Variants in USP25 observed in about 807,000 individuals in gnomAD.
USP25 encodes the protein ubiquitin carboxyl-terminal hydrolase 25.
Under a neutral mutation model 158.5 loss-of-function variants are expected in USP25, and 85 were observed. The observed-to-expected ratio is 0.54, with a 90% confidence interval of 0.45 to 0.64. The LOEUF (loss-of-function observed/expected upper bound fraction) is 0.64, where lower values mean the gene tolerates loss of function less well. Among genes scored for constraint, USP25 ranks in the 30% least tolerant of loss-of-function variants. USP25 has a pLI of 0.00. For synonymous variants in USP25, 464 were observed against 460.4 expected (o/e 1.01, Z -0.10); for missense variants, 1,242 against 1,327.3 (o/e 0.94, Z 1.00).
At chr21:15,786,814 G>A (rs1448170282) in intron 4 of USP25, among the ~76,000 whole-genome samples, 1 of 151,998 alleles carries the variant, frequency 6.6e-6, no homozygotes, top group East Asian at 1.9e-4. Flanking sequence ...AATTGGAAAG[G>A]AGAAAGTAAA....
chr21:15,824,573 TC>T (rs1281644372), intron 11 of USP25, among the ~76,000 whole-genome samples: 5 of 152,094 alleles, frequency 3.3e-5, no homozygotes, highest in African/African-American at 4.8e-5. Context: ...TGTCTTTCTT[TC>T]TTTTGTTTTT....
At chr21:15,754,217 T>C (rs960653947) in intron 1 of USP25, among the ~76,000 whole-genome samples, 19 of 152,340 alleles carry the variant, frequency 1.2e-4, no homozygotes, top group African/African-American at 4.6e-4. Flanking sequence ...GGAGGTGGTG[T>C]GTCCTGAGCC....
At chr21:15,794,276 AG>A (rs563566820) in intron 5 of USP25, among the ~76,000 whole-genome samples, 27 of 151,760 alleles carry the variant, frequency 1.8e-4, no homozygotes, top group African/African-American at 6.3e-4. Flanking sequence ...TTTGGTAGAA[AG>A]GGGGAACAGA....
chr21:15,856,535 A>C (rs949134021), intron 20 of USP25, among the ~76,000 whole-genome samples: 42 of 151,316 alleles, frequency 2.8e-4, no homozygotes, highest in African/African-American at 1.0e-3. Flanking sequence ...GCAGTGGCGC[A>C]GTCTCGGCTC....
chr21:15,824,268 T>C (rs2037377883), intron 11 of USP25, 102 bp downstream of exon 11: 1 of 1,385,918 alleles, frequency 7.2e-7, no homozygotes. Flanking sequence ...AATTAATTTC[T>C]ACTTTTGCAT....
intron 3 of USP25, among the ~76,000 whole-genome samples, chr21:15,775,413 A>C (rs1395730011): frequency 6.6e-6 from 1 of 152,046 alleles, no homozygotes; most frequent in Non-Finnish European, 1.5e-5. Context: ...TTCTGAAATG[A>C]CTCCCACATC....
rs186039729 is a variant in USP25 at position 15,800,134 on chromosome 21, T to C, written c.642+291T>C. ...ACTTTATAGGCTATAGTTTACAATT[T>C]AAGGTCTTTCCTCAGTTGTCTCCTA... On this transcript the variant is annotated intron_variant, in intron 6 of 25. Coordinates refer to ENST00000400183, the MANE Select transcript of USP25 (RefSeq NM_001283041.3). Among the ~76,000 whole-genome samples the C allele has an allele frequency of 8.4e-4, 127 of 151,498 alleles. No homozygotes were observed. The Middle Eastern group carries it at 0.01, about 12-fold the overall frequency.
intron 9 of USP25, 34 bp from the exon 10 acceptor site, chr21:15,818,664 T>C: frequency 1.9e-6 from 3 of 1,578,168 alleles, no homozygotes; most frequent in Non-Finnish European, 2.6e-6. Flanking sequence ...CAGAAGGCCA[T>C]ATTGAGTATT....
chr21:15,867,669 C>G (rs923676844), intron 22 of USP25, among the ~76,000 whole-genome samples: 2 of 152,020 alleles, frequency 1.3e-5, no homozygotes. Flanking sequence ...GACAGCTTTG[C>G]AGCATGCAAA....
intron 19 of USP25, 26 bp downstream of exon 19, chr21:15,847,802 T>C (rs1283148068): frequency 2.8e-6 from 4 of 1,448,926 alleles, no homozygotes; most frequent in Non-Finnish European, 2.8e-6. Flanking sequence ...CTCTGCACCA[T>C]TGCTACTTAA....
chr21:15,831,573 A>G lies in USP25; in HGVS notation c.1937A>G (p.Asn646Ser), dbSNP rs771683915. 2 of 1,614,068 alleles carry G rather than the reference A, an allele frequency of 1.2e-6. No individual in the cohort carries two copies. Among genetic ancestry groups the G allele is most frequent in the Admixed American group, 3.3e-5 (2 of 60,018 alleles). Residue 646 changes from asparagine (N) to serine (S), a missense_variant, in exon 16 of 26, where the codon AAT becomes AGT. Physicochemically the swap from Asn to Ser is conservative, Grantham distance 46. This residue lies in a region of USP25 where 608 missense variants were observed against 605.2 expected (regional missense o/e 1.00). Coordinates refer to ENST00000400183, the MANE Select transcript of USP25 (RefSeq NM_001283041.3). ...LVRDSFGGYR[N>S]ASAYCLMYIN... is the part of the protein sequence containing the mutation. ...AGGGACTCTTTTGGTGGTTATAGAA[A>G]TGCCAGTGCATACTGTTTAATGTAC... is the stretch of plus-strand genomic sequence containing the variant.
chr21:15,816,821 T>A lies in USP25; in HGVS notation c.932-1877T>A, dbSNP rs538270626. Among the ~76,000 whole-genome samples the A allele has an allele frequency of 6.6e-6, 1 of 152,130 alleles. No individual in the cohort carries two copies. The highest frequency in any genetic ancestry group is 1.5e-5 in the Non-Finnish European group (1 of 68,008). On this transcript the variant is annotated intron_variant, in intron 9 of 25. Coordinates refer to ENST00000400183, the MANE Select transcript of USP25 (RefSeq NM_001283041.3). The surrounding 1 kb of genome is among the most constrained non-coding windows in gnomAD (Gnocchi z 4.0). The stretch of plus-strand genomic sequence containing the variant: ...GAAAAAAAAAATCCTGTGTTCTTAC[T>A]TAAGTGGTGCCATTTTCAGTCCATA...
chr21:15,874,349 T>G, intron 23 of USP25, 54 bp from the exon 24 acceptor site: 1 of 1,469,322 alleles, frequency 6.8e-7, no homozygotes, highest in East Asian at 2.3e-5. Context: ...ATAGCTGACT[T>G]TGTTTCTACA....
chr21:15,870,282 A>G, intron 23 of USP25, 135 bp downstream of exon 23: 1 of 592,968 alleles, frequency 1.7e-6, no homozygotes, highest in East Asian at 3.2e-5. Context: ...ATCAGTTTTA[A>G]ATTTACAGAA....
intron 1 of USP25, chr21:15,744,831 ACCTGCCTCAG>A (rs1295147298): frequency 6.6e-6 from 1 of 152,142 alleles, no homozygotes; most frequent in Non-Finnish European, 1.5e-5. Flanking sequence ...CAGGTGATCC[ACCTGCCTCAG>A]CCTCCCAAAG....
chr21:15,827,675 A>C (rs1327246247), intron 14 of USP25, among the ~76,000 whole-genome samples: 4 of 152,046 alleles, frequency 2.6e-5, no homozygotes, highest in African/African-American at 9.7e-5. Context: ...TCCCATTACT[A>C]GTCTGTAACA....
At chr21:15,753,802 A>G (rs946664333) in intron 1 of USP25, among the ~76,000 whole-genome samples, 2 of 152,210 alleles carry the variant, frequency 1.3e-5, no homozygotes, top group Non-Finnish European at 2.9e-5. Context: ...AACCCATTTT[A>G]ATTACATAGG....
chr21:15,793,388 G>T (rs1205112924), intron 5 of USP25, among the ~76,000 whole-genome samples: 1 of 150,466 alleles, frequency 6.6e-6, no homozygotes, highest in African/African-American at 2.4e-5. Context: ...TCTTGATACA[G>T]TTACAATCTG....
chr21:15,826,720 C>A lies in USP25; in HGVS notation c.1467-257C>A, dbSNP rs949473661. Among the ~76,000 whole-genome samples, 1 of 152,156 alleles carries A rather than the reference C, an allele frequency of 6.6e-6. No individual in the cohort carries two copies. The highest frequency in any genetic ancestry group is 2.4e-5 in the African/African-American group (1 of 41,452). The stretch of plus-strand genomic sequence containing the variant: ...GCTGATAAGCCAGGGAAAATAATAT[C>A]ACCATGCGTAAGATTTTCTTGTTTT... On this transcript the variant is annotated intron_variant, in intron 13 of 25. Coordinates refer to ENST00000400183, the MANE Select transcript of USP25 (RefSeq NM_001283041.3). This position sits in a 1 kb window ranked among gnomAD's most constrained non-coding sequence, Gnocchi z 4.8.
Sources: allele counts gnomAD v4.1 joint callset (sites outside exome capture counted in the v4.1 genomes callset), GRCh38; gene constraint gnomAD v4.1.1; regional missense constraint gnomAD v4.1.1; non-coding constraint Gnocchi (gnomAD v3.1); transcripts MANE v1.5; gene names NCBI Gene and HGNC (gene_info 2026-07-23, HGNC 2026-07-21).